Variants in ESPNL observed in about 807,000 individuals in gnomAD.
ESPNL encodes espin like.
ESPNL carries 49 observed loss-of-function variants against 46.8 expected under a neutral mutation model. The observed-to-expected ratio is 1.05, with a 90% CI of 0.83 to 1.33. The LOEUF (loss-of-function observed/expected upper bound fraction) is 1.33, where lower values mean the gene tolerates loss of function less well. Ranked by LOEUF, ESPNL falls within the 40% of genes most tolerant of loss-of-function variation. The probability of loss-of-function intolerance (pLI) is 0.00; values close to 1 mark genes in which losing one functional copy is unlikely to be tolerated. For missense variants in ESPNL, 1,540 were observed against 1,436.6 expected (o/e 1.07, Z -1.16); for synonymous variants, 664 against 662.1 (o/e 1.00, Z -0.04).
Position 238,131,411 on chromosome 2 carries a change from C to T in ESPNL, c.2697C>T (p.Ala899=), listed in dbSNP as rs1220710955. ...LGTHGWEAVR[A]FHKAVTDEVA... ...CCCACGGCTGGGAGGCTGTGCGCGC[C>T]TTCCACAAGGCCGTGACCGACGAGG... The change falls in exon 9 of 9, where the codon GCC becomes GCT. Residue 899 remains alanine, a synonymous_variant. Coordinates refer to ENST00000343063, the MANE Select transcript of ESPNL (RefSeq NM_194312.4). The T allele has an allele frequency of 3.7e-6, 6 of 1,608,602 alleles. No homozygotes were observed. In the African/African-American group the frequency reaches 6.7e-5, roughly 18 times the overall value.
Position 238,101,996 on chromosome 2 carries a change from C to T in ESPNL, c.350C>T (p.Pro117Leu). ...PLHLAARFGH[P>L]VLVEWLLHEG... ...CACCTGGCCGCCCGTTTTGGACACC[C>T]AGTGCTGGTGGAGTGGCTGCTCCAC... The change falls in exon 2 of 9, where the codon CCA becomes CTA. Residue 117 changes from proline to leucine, a missense_variant. Coordinates refer to ENST00000343063, the MANE Select transcript of ESPNL (RefSeq NM_194312.4). 1.2e-6 allele frequency: 2 copies of T among 1,610,548 alleles called. No homozygotes were observed. Among genetic ancestry groups the T allele is most frequent in the Non-Finnish European group, 1.7e-6 (2 of 1,179,650 alleles).
chr2:238,123,441 G>C (rs540226399), intron 5 of ESPNL, among the ~76,000 whole-genome samples: 1 of 152,146 alleles, frequency 6.6e-6, no homozygotes. Flanking sequence ...CCTGGGGGCC[G>C]TACCGTAGGT....
chr2:238,119,647 C>T (rs1473053873), intron 5 of ESPNL, among the ~76,000 whole-genome samples: 1 of 151,778 alleles, frequency 6.6e-6, no homozygotes, highest in African/African-American at 2.4e-5. Context: ...TGTGACAAAT[C>T]CCTCTAACCT....
intron 5 of ESPNL, among the ~76,000 whole-genome samples, chr2:238,119,031 A>G (rs1691906700): frequency 7.1e-6 from 1 of 141,280 alleles, no homozygotes; most frequent in African/African-American, 2.7e-5. Flanking sequence ...TGGATGGAGG[A>G]GGGTGAATGG....
chr2:238,121,250 T>C (rs1185027450), intron 5 of ESPNL, among the ~76,000 whole-genome samples: 1 of 152,218 alleles, frequency 6.6e-6, no homozygotes, highest in African/African-American at 2.4e-5. Context: ...GAGTGCCCTG[T>C]CTGGGCAGGA....
intron 1 of ESPNL, among the ~76,000 whole-genome samples, 198 bp from the exon 2 acceptor site, chr2:238,101,743 G>A (rs1337584810): frequency 1.3e-5 from 2 of 152,208 alleles, no homozygotes; most frequent in African/African-American, 4.8e-5. Context: ...CCTGAGTCCT[G>A]GCCCTCCTCT....
At chr2:238,122,824 C>A (rs887158316) in intron 5 of ESPNL, among the ~76,000 whole-genome samples, 2 of 152,214 alleles carry the variant, frequency 1.3e-5, no homozygotes, top group Non-Finnish European at 2.9e-5. Context: ...TGTTGAGGGG[C>A]CCACTCCAGG....
In ESPNL at chr2:238,131,050, C is replaced by T; in HGVS notation, c.2336C>T (p.Ala779Val). 1 of 1,538,130 alleles carries T rather than the reference C, an allele frequency of 6.5e-7. No homozygotes were observed. The highest frequency in any genetic ancestry group is 8.7e-7 in the Non-Finnish European group (1 of 1,143,238). Residue 779 changes from alanine (A) to valine (V), a missense_variant, in exon 9 of 9, where the codon GCC becomes GTC. Physicochemically the swap from Ala to Val is moderately conservative, Grantham distance 64. Coordinates refer to ENST00000343063, the MANE Select transcript of ESPNL (RefSeq NM_194312.4). ...RHAGLRGQEAARSPGPPSPPS... is the reference protein window; with the variant it reads ...RHAGLRGQEAVRSPGPPSPPS... ...GCGGGGTTGCGGGGCCAGGAGGCCG[C>T]CAGGAGCCCTGGGCCACCCTCCCCG...
chr2:238,107,744 C>T, intron 3 of ESPNL, 47 bp from the exon 4 acceptor site: 1 of 1,509,506 alleles, frequency 6.6e-7, no homozygotes, highest in South Asian at 1.3e-5. Flanking sequence ...ACTCTGTGTG[C>T]CTCCTCCCTG....
At chr2:238,116,343 G>A (rs1390184825) in intron 4 of ESPNL, among the ~76,000 whole-genome samples, 1 of 152,156 alleles carries the variant, frequency 6.6e-6, no homozygotes, top group African/African-American at 2.4e-5. Context: ...CTGGCCCCAA[G>A]TTGGCTGGGT....
chr2:238,116,456 C>A (rs1691817064), intron 4 of ESPNL, among the ~76,000 whole-genome samples: 1 of 152,204 alleles, frequency 6.6e-6, no homozygotes, highest in Non-Finnish European at 1.5e-5. Context: ...GGAGGATGGT[C>A]CCACGGAGAG....
At chr2:238,126,881 ATGTC>A (rs932224190) in intron 6 of ESPNL, among the ~76,000 whole-genome samples, 25 of 106,314 alleles carry the variant, frequency 2.4e-4, no homozygotes, top group Middle Eastern at 8.2e-3. Flanking sequence ...TTGTGTCTGT[ATGTC>A]TGTGTGATTG....
At chr2:238,121,539 A>G (rs1486749100) in intron 5 of ESPNL, among the ~76,000 whole-genome samples, 2 of 152,208 alleles carry the variant, frequency 1.3e-5, no homozygotes, top group African/African-American at 4.8e-5. Flanking sequence ...CTGGGACTAC[A>G]GGTGTGCGCC....
At chr2:238,125,143 C>T (rs1322896463) in intron 5 of ESPNL, 127 bp from the exon 6 acceptor site, 10 of 504,576 alleles carry the variant, frequency 2.0e-5, no homozygotes, top group African/African-American at 1.0e-4. Context: ...CACCTCCTTA[C>T]CTGTCCCAGC....
chr2:238,126,051 T>C (rs1559266505), intron 6 of ESPNL, among the ~76,000 whole-genome samples: 1 of 117,550 alleles, frequency 8.5e-6, no homozygotes. Context: ...ATTATGTCTG[T>C]GTGTATGTGT....
intron 3 of ESPNL, among the ~76,000 whole-genome samples, chr2:238,105,069 C>T (rs1054493992): frequency 1.3e-4 from 20 of 152,160 alleles, no homozygotes; most frequent in African/African-American, 4.3e-4. Flanking sequence ...GGTCGTGCCA[C>T]GGCTCCCCTG....
Position 238,127,722 on chromosome 2 carries a change from G to T in ESPNL, c.1203G>T (p.Thr401=). ...CTCCGAGGATCATCACCAGTGCCAC[G>T]GCTGACCCCGAGGTTCGTCCTCCAC... is the stretch of plus-strand genomic sequence containing the variant. The part of the protein sequence containing the change: ...PAPPRIITSA[T]ADPEGTETAL... The change falls in exon 7 of 9, where the codon ACG becomes ACT. Residue 401 remains threonine (T), a synonymous_variant. Transcript: ENST00000343063. The T allele has an allele frequency of 6.2e-7, 1 of 1,609,572 alleles. No individual in the cohort carries two copies. Among genetic ancestry groups the T allele is most frequent in the Non-Finnish European group, 8.5e-7 (1 of 1,178,346 alleles).
intron 2 of ESPNL, among the ~76,000 whole-genome samples, chr2:238,103,927 C>G (rs1413477708): frequency 6.6e-6 from 1 of 152,168 alleles, no homozygotes; most frequent in Non-Finnish European, 1.5e-5. Context: ...GGAATTCAAA[C>G]CCAGGTGCAA....
chr2:238,118,704 A>G (rs139025411), intron 5 of ESPNL, among the ~76,000 whole-genome samples: 45 of 92,660 alleles, frequency 4.9e-4, no homozygotes, highest in African/African-American at 1.9e-3. Flanking sequence ...TGGATAGAGG[A>G]GGAATGGATG....
Sources: allele counts gnomAD v4.1 joint callset (sites outside exome capture counted in the v4.1 genomes callset), GRCh38; gene constraint gnomAD v4.1.1; transcripts MANE v1.5; gene names NCBI Gene and HGNC (gene_info 2026-07-23, HGNC 2026-07-21).